The following LSAMP variants were observed in gnomAD, a reference collection of about 807,000 sequenced individuals.
LSAMP encodes the protein limbic system-associated membrane protein.
In LSAMP, 7 loss-of-function variants were observed where a neutral mutation model predicts 38.6. The observed-to-expected ratio is 0.18, with a 90% CI of 0.10 to 0.34. The LOEUF (loss-of-function observed/expected upper bound fraction) is 0.34. LSAMP is among the 10% of genes least tolerant of loss of function. The probability of loss-of-function intolerance (pLI) is 1.00; values close to 1 mark genes in which losing one functional copy is unlikely to be tolerated. For missense variants in LSAMP, 313 were observed against 420.0 expected (o/e 0.75, Z 2.23); for synonymous variants, 154 against 166.8 (o/e 0.92, Z 0.59).
chr3:115,892,669 T>C (rs914802750), intron 3 of LSAMP, among the ~76,000 whole-genome samples: 12 of 151,814 alleles, frequency 7.9e-5, no homozygotes, highest in African/African-American at 2.7e-4. Flanking sequence ...CATTGAGCCA[T>C]ACAATTAAAA....
rs187596904 is a variant in LSAMP, at chr3:116,403,808, G to T, written c.155+41069C>A. On this transcript the variant is annotated intron_variant, in intron 1 of 6. Transcript: ENST00000490035. ...TTCTGTTGCCCAGGTTGGAGTGCAG[G>T]GGGGGTGATCATAGCTCCTGCAGCC... Among the ~76,000 whole-genome samples, 58 of 151,946 alleles carry T rather than the reference G, an allele frequency of 3.8e-4. 2 individuals carry two copies. In the South Asian group the frequency reaches 0.01, roughly 27 times the overall value.
intron 1 of LSAMP, among the ~76,000 whole-genome samples, chr3:116,163,408 T>G (rs1171144784): frequency 6.6e-6 from 1 of 151,752 alleles, no homozygotes; most frequent in Non-Finnish European, 1.5e-5. Context: ...CATGAACTCA[T>G]CATTTTTTAT....
intron 1 of LSAMP, among the ~76,000 whole-genome samples, chr3:116,167,169 T>C (rs1710078659): frequency 6.6e-6 from 1 of 152,150 alleles, no homozygotes. Context: ...AGCTCTTTAG[T>C]GGTGAGATGT....
intron 1 of LSAMP, among the ~76,000 whole-genome samples, chr3:116,154,531 T>G (rs1709694737): frequency 6.6e-6 from 1 of 152,168 alleles, no homozygotes; most frequent in Non-Finnish European, 1.5e-5. Context: ...GTTAATGCTC[T>G]AAGACTTTAC....
At chr3:115,828,946 C>T (rs1033748405) in intron 6 of LSAMP, among the ~76,000 whole-genome samples, 1 of 152,082 alleles carries the variant, frequency 6.6e-6, no homozygotes, top group African/African-American at 2.4e-5. Flanking sequence ...GATTCGAAAA[C>T]CAGGAAGAGG....
chr3:116,045,517 A>G (rs1023242454), intron 2 of LSAMP, among the ~76,000 whole-genome samples: 2 of 147,218 alleles, frequency 1.4e-5, no homozygotes, highest in Admixed American at 6.8e-5. Flanking sequence ...CAGCTCAAAA[A>G]TATTTTTCAT....
At chr3:116,368,545 G>A (rs1365662965) in intron 1 of LSAMP, among the ~76,000 whole-genome samples, 2 of 152,144 alleles carry the variant, frequency 1.3e-5, no homozygotes, top group African/African-American at 4.8e-5. Flanking sequence ...TATTCACAAA[G>A]CTGCATGAAG....
intron 2 of LSAMP, among the ~76,000 whole-genome samples, chr3:116,043,671 C>T (rs1286729760): frequency 6.6e-6 from 1 of 152,318 alleles, no homozygotes; most frequent in East Asian, 1.9e-4. Context: ...TCTTGCCGGG[C>T]GCGGTGGCTC....
At chr3:116,067,286 A>G (rs1198501555) in intron 2 of LSAMP, among the ~76,000 whole-genome samples, 1 of 152,162 alleles carries the variant, frequency 6.6e-6, no homozygotes, top group Non-Finnish European at 1.5e-5. Flanking sequence ...ATATTACTGA[A>G]GTTGATGAAG....
intron 1 of LSAMP, among the ~76,000 whole-genome samples, chr3:116,246,310 C>T (rs1186762517): frequency 6.6e-6 from 1 of 152,012 alleles, no homozygotes; most frequent in Non-Finnish European, 1.5e-5. Context: ...TGCCAGAATA[C>T]ATTTATGGGA....
chr3:115,822,786 A>G (rs1166896252), intron 6 of LSAMP, among the ~76,000 whole-genome samples: 1 of 152,240 alleles, frequency 6.6e-6, no homozygotes, highest in Non-Finnish European at 1.5e-5. Context: ...GGCCTCCCTT[A>G]GCTAGATTTG....
chr3:116,174,954 G>A (rs955545869), intron 1 of LSAMP, among the ~76,000 whole-genome samples: 1 of 151,922 alleles, frequency 6.6e-6, no homozygotes, highest in Non-Finnish European at 1.5e-5. Flanking sequence ...TCACTTTTGT[G>A]CACTGGCTTA....
At chr3:115,910,149 TAAGC>T (rs1427481678) in intron 3 of LSAMP, among the ~76,000 whole-genome samples, 1 of 152,146 alleles carries the variant, frequency 6.6e-6, no homozygotes, top group Non-Finnish European at 1.5e-5. Context: ...TCAGAAAAAT[TAAGC>T]AAAGTGTTTA....
At chr3:115,954,738 T>C (rs1025094398) in intron 3 of LSAMP, among the ~76,000 whole-genome samples, 1 of 152,204 alleles carries the variant, frequency 6.6e-6, no homozygotes, top group African/African-American at 2.4e-5. Context: ...GCCACTTTTC[T>C]AGTAGTTTTT....
intron 1 of LSAMP, among the ~76,000 whole-genome samples, chr3:116,366,942 A>C (rs553505357): frequency 6.6e-6 from 1 of 152,310 alleles, no homozygotes; most frequent in South Asian, 2.1e-4. Context: ...GTGGTAGGGA[A>C]GGGTGGATTT....
intron 6 of LSAMP, among the ~76,000 whole-genome samples, chr3:115,832,194 A>T (rs1483770760): frequency 6.6e-6 from 1 of 151,398 alleles, no homozygotes; most frequent in Non-Finnish European, 1.5e-5. Context: ...AATGAAACAT[A>T]CATCTTTGTG....
chr3:116,439,944 A>G (rs1228993904), intron 1 of LSAMP, among the ~76,000 whole-genome samples: 10 of 152,168 alleles, frequency 6.6e-5, no homozygotes, highest in Admixed American at 6.5e-4. Flanking sequence ...GATGATCTCA[A>G]TCTCTTGACC....
intron 6 of LSAMP, among the ~76,000 whole-genome samples, chr3:115,834,800 C>A (rs1213676523): frequency 6.6e-6 from 1 of 151,850 alleles, no homozygotes; most frequent in Non-Finnish European, 1.5e-5. Context: ...AAATGCAGAG[C>A]CTTTAAAAAG....
rs5851991 is a variant in LSAMP, at chr3:116,113,400, C to CTATA, written c.156-26848_156-26845dup. Among the ~76,000 whole-genome samples the CTATA allele has an allele frequency of 2.2e-3, 188 of 87,118 alleles. 4 individuals are homozygous for CTATA. Among genetic ancestry groups the CTATA allele is most frequent in the South Asian group, 6.3e-3 (13 of 2,062 alleles). 57.2% of individuals were successfully genotyped at this position (87,118 alleles called of 152,430 possible). A position where few individuals can be genotyped will look rare whatever the true frequency, so the allele number is the denominator to read the frequency against. ...TAGAAATTTTAGAAATATGTTTGCC[C>CTATA]TATATATATATATATATATATTTTT... On this transcript the variant is annotated intron_variant, in intron 1 of 6. Transcript: ENST00000490035.
Sources: allele counts gnomAD v4.1 joint callset (sites outside exome capture counted in the v4.1 genomes callset), GRCh38; gene constraint gnomAD v4.1.1; transcripts MANE v1.5; gene names NCBI Gene and HGNC (gene_info 2026-07-23, HGNC 2026-07-21).